NRXN3: variants seen among roughly 807,000 people sequenced by gnomAD.
The protein encoded by NRXN3 is neurexin 3.
In NRXN3, 32 loss-of-function variants were observed where a neutral mutation model predicts 137.6. That is an observed-to-expected ratio of 0.23 (90% CI 0.18 to 0.31). The LOEUF is 0.31. NRXN3 is among the 10% of genes least tolerant of loss of function. The pLI is 1.00. For synonymous variants in NRXN3, 798 were observed against 784.5 expected, an observed-to-expected ratio of 1.02 and a Z score of -0.29; for missense variants, 1,574 against 2,062.5, an observed-to-expected ratio of 0.76 and a Z score of 4.59.
intron 1 of NRXN3, among the ~76,000 whole-genome samples, chr14:78,185,827 C>G (rs1433754864): frequency 2.0e-5 from 3 of 152,212 alleles, no homozygotes; most frequent in Non-Finnish European, 4.4e-5. Context: ...GATCAAATAT[C>G]TGTCTTTGGA....
intron 10 of NRXN3, among the ~76,000 whole-genome samples, chr14:78,817,279 G>A (rs1360938449): frequency 6.6e-6 from 1 of 152,134 alleles, no homozygotes. Context: ...ATGAAATTTA[G>A]AAAGAATAAA....
At chr14:79,780,733 G>T (rs186912028) in intron 19 of NRXN3, among the ~76,000 whole-genome samples, 332 of 152,276 alleles carry the variant, frequency 2.2e-3, no homozygotes, top group African/African-American at 7.7e-3. Flanking sequence ...AAAACATTTT[G>T]TTAAGATGTT....
At chr14:79,805,260 TG>T in intron 20 of NRXN3, 70 bp downstream of exon 20, 1 of 1,042,126 alleles carries the variant, frequency 9.6e-7, no homozygotes, top group Non-Finnish European at 1.5e-6. Flanking sequence ...TACATATATG[TG>T]ATTATACATG....
At position 79,024,493 on chromosome 14, in the gene NRXN3, A is replaced by G. The variant is rs1193898346; in HGVS notation, c.3262+36352A>G. 2.0e-5 allele frequency among the ~76,000 whole-genome samples: 3 copies of G among 152,306 alleles called. No homozygotes were observed. The East Asian group carries it at 5.8e-4, about 29-fold the overall frequency. On this transcript the variant is annotated intron_variant, in intron 15 of 20. Coordinates refer to ENST00000335750, the MANE Select transcript of NRXN3 (RefSeq NM_001330195.2). ...ACCATGATCCTTAAAGAATACATGCACACACAGAACAGTGGGAACAGCTGA... is the reference window on the plus strand; with the variant it reads ...ACCATGATCCTTAAAGAATACATGCGCACACAGAACAGTGGGAACAGCTGA...
intron 10 of NRXN3, among the ~76,000 whole-genome samples, chr14:78,947,542 T>G (rs758009355): frequency 3.9e-5 from 6 of 152,224 alleles, no homozygotes; most frequent in Admixed American, 6.5e-5. Flanking sequence ...TTGAATAGAC[T>G]TACGCTATTT....
rs2098447437 is a variant in NRXN3, at chr14:79,645,067, T to C, written c.3445-18711T>C. Among the ~76,000 whole-genome samples, 2 of 135,932 alleles carry C rather than the reference T, an allele frequency of 1.5e-5. 1 individual carries two copies. Among genetic ancestry groups the C allele is most frequent in the Non-Finnish European group, 3.4e-5 (2 of 58,440 alleles). The allele number at this position is 135,932 out of a possible 152,430, so 89.2% of individuals were successfully genotyped here. ...ACCATCTCCTCTGTGTTCACTTACA[T>C]TCTATCCATGTTCAGGATTGAGTTT... On this transcript the variant is annotated intron_variant, in intron 16 of 20. Coordinates refer to ENST00000335750, the MANE Select transcript of NRXN3 (RefSeq NM_001330195.2).
chr14:78,285,733 G>A (rs1046778867), intron 3 of NRXN3, among the ~76,000 whole-genome samples: 3 of 152,204 alleles, frequency 2.0e-5, no homozygotes, highest in African/African-American at 4.8e-5. Flanking sequence ...AAGAAAGTCC[G>A]CTTTTTATTG....
intron 14 of NRXN3, among the ~76,000 whole-genome samples, chr14:78,982,453 C>G (rs1174972725): frequency 2.0e-5 from 3 of 151,984 alleles, no homozygotes; most frequent in African/African-American, 7.3e-5. Context: ...ATGCACTGAC[C>G]AGTGGAACAG....
chr14:78,395,822 A>G (rs141382960), intron 4 of NRXN3, among the ~76,000 whole-genome samples: 59 of 151,894 alleles, frequency 3.9e-4, no homozygotes, highest in African/African-American at 1.3e-3. Context: ...TCTTTTGATT[A>G]TCTTTGTGTG....
At chr14:78,513,047 C>A (rs2096138202) in intron 4 of NRXN3, among the ~76,000 whole-genome samples, 1 of 152,144 alleles carries the variant, frequency 6.6e-6, no homozygotes, top group South Asian at 2.1e-4. Context: ...TCTTTTTGAT[C>A]CCATGTCTAC....
intron 16 of NRXN3, among the ~76,000 whole-genome samples, chr14:79,556,206 T>C (rs1372110670): frequency 2.0e-5 from 3 of 152,152 alleles, no homozygotes; most frequent in African/African-American, 7.2e-5. Context: ...CCTACAAACA[T>C]GTCCAGACTC....
At chr14:79,102,558 T>G (rs1290932149) in intron 15 of NRXN3, among the ~76,000 whole-genome samples, 1 of 152,186 alleles carries the variant, frequency 6.6e-6, no homozygotes, top group Non-Finnish European at 1.5e-5. Flanking sequence ...ATAGTCTAGA[T>G]AGTCTTAGTC....
intron 17 of NRXN3, among the ~76,000 whole-genome samples, chr14:79,688,744 T>C (rs2154022942): frequency 6.6e-6 from 1 of 152,298 alleles, no homozygotes; most frequent in African/African-American, 2.4e-5. Flanking sequence ...CTTCACAATA[T>C]TATAATTCCA....
chr14:78,983,870 A>G (rs1200168662), intron 14 of NRXN3, among the ~76,000 whole-genome samples: 1 of 150,870 alleles, frequency 6.6e-6, no homozygotes, highest in Non-Finnish European at 1.5e-5. Flanking sequence ...AAAAAAAAAA[A>G]AAGAAAAAAA....
chr14:78,530,852 A>T (rs2153811312), intron 4 of NRXN3, among the ~76,000 whole-genome samples: 1 of 152,276 alleles, frequency 6.6e-6, no homozygotes, highest in East Asian at 1.9e-4. Context: ...TTCTTTTAGG[A>T]GCAAAGTGAT....
At chr14:78,760,672 C>A (rs1043258626) in intron 8 of NRXN3, among the ~76,000 whole-genome samples, 3 of 151,838 alleles carry the variant, frequency 2.0e-5, no homozygotes, top group African/African-American at 7.3e-5. Context: ...CACTTCCTAC[C>A]TGTCCAGGTT....
chr14:79,131,823 C>T (rs181241214), intron 15 of NRXN3, among the ~76,000 whole-genome samples: 7 of 152,372 alleles, frequency 4.6e-5, no homozygotes, highest in Admixed American at 2.0e-4. Flanking sequence ...TGCTAGCAAT[C>T]AGAGAGACTC....
chr14:78,782,069 C>T (rs2098771800), intron 8 of NRXN3, among the ~76,000 whole-genome samples: 1 of 152,210 alleles, frequency 6.6e-6, no homozygotes, highest in Admixed American at 6.5e-5. Flanking sequence ...CTCAGCTTGC[C>T]CGCTCTTCTG....
chr14:78,173,132 G>A (rs1473534660), intron 1 of NRXN3, among the ~76,000 whole-genome samples: 1 of 152,072 alleles, frequency 6.6e-6, no homozygotes, highest in African/African-American at 2.4e-5. Context: ...AATGGTGGGA[G>A]AACGGTAGAT....
Sources: gnomAD v4.1 joint callset for allele counts (sites outside exome capture counted in the v4.1 genomes callset) on GRCh38, gnomAD v4.1.1 for gene constraint, MANE v1.5 for transcripts, NCBI Gene and HGNC (gene_info 2026-07-23, HGNC 2026-07-21) for gene names.